The following MSRA variants were observed in gnomAD, a reference collection of about 807,000 sequenced individuals.
The protein encoded by MSRA is methionine sulfoxide reductase A, also known as mitochondrial peptide methionine sulfoxide reductase.
Under a neutral mutation model 31.3 loss-of-function variants are expected in MSRA, and 54 were observed. The ratio of observed to expected loss-of-function variants is 1.73; its 90% CI spans 1.39 to 2.17. MSRA has a LOEUF of 2.17. MSRA is among the 30% of genes most tolerant of loss of function. The pLI is 0.00. For missense variants in MSRA, 507 were observed against 300.9 expected, an observed-to-expected ratio of 1.69 and a Z score of -5.07; for synonymous variants, 169 against 116.5, an observed-to-expected ratio of 1.45 and a Z score of -2.90.
At chr8:10,284,717 C>T (rs4841308) in intron 3 of MSRA, among the ~76,000 whole-genome samples, 35,332 of 151,900 alleles carry the variant, frequency 0.23, 4,546 homozygotes, top group Non-Finnish European at 0.29. Flanking sequence ...GTTCTGACTC[C>T]GCCCCTCAGT....
chr8:10,408,364 C>G (rs1807949951), intron 5 of MSRA, among the ~76,000 whole-genome samples: 1 of 152,096 alleles, frequency 6.6e-6, no homozygotes, highest in Non-Finnish European at 1.5e-5. Flanking sequence ...CGGTGAAACC[C>G]TGTCTCTACC....
At chr8:10,165,840 A>T (rs913970947) in intron 1 of MSRA, among the ~76,000 whole-genome samples, 6 of 152,180 alleles carry the variant, frequency 3.9e-5, no homozygotes, top group African/African-American at 1.4e-4. Context: ...GTCAAACACC[A>T]TTCTCAGTTT....
At chr8:10,143,231 A>G (rs1802855294) in intron 1 of MSRA, among the ~76,000 whole-genome samples, 1 of 152,198 alleles carries the variant, frequency 6.6e-6, no homozygotes, top group African/African-American at 2.4e-5. Flanking sequence ...ACATGTACTT[A>G]TCCCTCACAT....
chr8:10,241,150 G>C (rs1812379095), intron 2 of MSRA, among the ~76,000 whole-genome samples: 1 of 152,146 alleles, frequency 6.6e-6, no homozygotes, highest in African/African-American at 2.4e-5. Context: ...TGGCTGCCAT[G>C]GTGTGCACTG....
intron 2 of MSRA, among the ~76,000 whole-genome samples, chr8:10,222,159 C>T (rs1183033080): frequency 6.6e-6 from 1 of 151,850 alleles, no homozygotes; most frequent in Non-Finnish European, 1.5e-5. Flanking sequence ...GCAGGAATAC[C>T]ACTTAGGAAG....
At chr8:10,271,781 C>T (rs984150680) in intron 3 of MSRA, among the ~76,000 whole-genome samples, 6 of 149,954 alleles carry the variant, frequency 4.0e-5, no homozygotes, top group South Asian at 2.1e-4. Flanking sequence ...TACAGTGGCG[C>T]GATCTTGGCT....
chr8:10,425,381 C>T (rs1242123579), intron 5 of MSRA, among the ~76,000 whole-genome samples: 2 of 152,216 alleles, frequency 1.3e-5, no homozygotes, highest in Non-Finnish European at 2.9e-5. Flanking sequence ...CGAGGCCCAC[C>T]GGCAAACCTC....
At chr8:10,268,252 T>A (rs977453060) in intron 3 of MSRA, among the ~76,000 whole-genome samples, 61 of 152,216 alleles carry the variant, frequency 4.0e-4, no homozygotes, top group Non-Finnish European at 7.9e-4. Context: ...TTATTCACTT[T>A]TAAACAAAAT....
At chr8:10,093,525 A>G (rs1798962005) in intron 1 of MSRA, among the ~76,000 whole-genome samples, 1 of 152,190 alleles carries the variant, frequency 6.6e-6, no homozygotes, top group Non-Finnish European at 1.5e-5. Flanking sequence ...GCTTTTCAAC[A>G]TAGGTTTATA....
intron 2 of MSRA, among the ~76,000 whole-genome samples, chr8:10,236,513 G>T (rs1020758015): frequency 6.6e-6 from 1 of 152,094 alleles, no homozygotes; most frequent in African/African-American, 2.4e-5. Context: ...ACAAATCATG[G>T]GGTACATAGA....
chr8:10,165,910 G>A (rs772635054), intron 1 of MSRA, among the ~76,000 whole-genome samples: 2 of 152,186 alleles, frequency 1.3e-5, no homozygotes, highest in African/African-American at 2.4e-5. Flanking sequence ...TACTGAGGAG[G>A]AAATCGAGGC....
chr8:10,058,900 C>A (rs1438267801), intron 1 of MSRA: 2 of 152,278 alleles, frequency 1.3e-5, no homozygotes, highest in East Asian at 3.9e-4. Flanking sequence ...AGATTCAAAC[C>A]TTTAAACTTC....
chr8:10,083,808 G>C (rs1012188379), intron 1 of MSRA, among the ~76,000 whole-genome samples: 3 of 151,914 alleles, frequency 2.0e-5, no homozygotes, highest in African/African-American at 7.3e-5. Flanking sequence ...CTGTATTCAC[G>C]ATGTTTCAGA....
chr8:10,170,141 C>T (rs1805473788), intron 1 of MSRA, among the ~76,000 whole-genome samples: 1 of 150,774 alleles, frequency 6.6e-6, no homozygotes, highest in African/African-American at 2.5e-5. Context: ...CCACTTTGGC[C>T]TCCCAAAGTG....
chr8:10,115,314 C>T (rs78419763), intron 1 of MSRA, among the ~76,000 whole-genome samples: 3,071 of 152,196 alleles, frequency 0.02, 41 homozygotes, highest in Non-Finnish European at 0.031. Flanking sequence ...GAAGAGAGAC[C>T]AGCCTCACAG....
intron 1 of MSRA, among the ~76,000 whole-genome samples, chr8:10,111,131 C>G (rs899145847): frequency 2.0e-5 from 3 of 152,124 alleles, no homozygotes; most frequent in Non-Finnish European, 4.4e-5. Context: ...CCGTGTTATC[C>G]AGGGACGGGG....
chr8:10,383,871 G>A lies in MSRA; in HGVS notation c.544-44277G>A, dbSNP rs1277200840. Among the ~76,000 whole-genome samples the A allele has an allele frequency of 3.3e-5, 5 of 152,214 alleles. No homozygotes were observed. The East Asian group carries it at 5.8e-4, about 18-fold the overall frequency. On this transcript the variant is annotated intron_variant, in intron 5 of 5. Transcript: ENST00000317173. ...GCTAAAGACAGAGCATTTTTATTTT[G>A]TTTGTGAGAGCGTCAAAGGATATTA... is the stretch of plus-strand genomic sequence containing the variant.
chr8:10,294,257 C>T (rs1800408914), intron 3 of MSRA, among the ~76,000 whole-genome samples: 3 of 152,226 alleles, frequency 2.0e-5, no homozygotes, highest in South Asian at 4.2e-4. Context: ...AACTTTTAGA[C>T]ATAGATTCCC....
At chr8:10,249,869 A>G (rs1797827334) in intron 3 of MSRA, among the ~76,000 whole-genome samples, 1 of 152,210 alleles carries the variant, frequency 6.6e-6, no homozygotes, top group Non-Finnish European at 1.5e-5. Context: ...GGGAACCCAG[A>G]ACGTGGACTG....
Sources: gnomAD v4.1 joint callset for allele counts (sites outside exome capture counted in the v4.1 genomes callset) on GRCh38, gnomAD v4.1.1 for gene constraint, MANE v1.5 for transcripts, NCBI Gene and HGNC (gene_info 2026-07-23, HGNC 2026-07-21) for gene names.